GNB4: variants seen among roughly 807,000 people sequenced by gnomAD.
GNB4 encodes G protein subunit beta 4, also known as guanine nucleotide-binding protein subunit beta-4.
In GNB4, 28 loss-of-function variants were observed where a neutral mutation model predicts 45.2. The observed-to-expected ratio is 0.62, with a 90% CI of 0.46 to 0.85. The LOEUF (loss-of-function observed/expected upper bound fraction) is 0.85. GNB4 is among the 40% of genes least tolerant of loss of function. The pLI is 0.00. For missense variants in GNB4, 321 were observed against 425.4 expected, an observed-to-expected ratio of 0.75 and a Z score of 2.16; for synonymous variants, 132 against 143.7, an observed-to-expected ratio of 0.92 and a Z score of 0.58.
chr3:179,459,721 A>C, the GNB4 span, among the ~76,000 whole-genome samples: 133 of 152,130 alleles, frequency 8.7e-4, no homozygotes, highest in East Asian at 0.023. Flanking sequence ...AAAAAAAAAG[A>C]AGCCTACCTT....
the GNB4 span, among the ~76,000 whole-genome samples, chr3:179,479,626 C>T: frequency 1.3e-5 from 2 of 152,142 alleles, no homozygotes; most frequent in South Asian, 2.1e-4. Flanking sequence ...TTTTGCCAAG[C>T]GAATGGAGAA....
Position 179,413,403 on chromosome 3 carries a change from T to C in GNB4, c.699+9A>G. 6.2e-7 allele frequency: 1 copy of C among 1,607,476 alleles called. No individual in the cohort carries two copies. Among genetic ancestry groups the C allele is most frequent in the Non-Finnish European group, 8.5e-7 (1 of 1,173,962 alleles). ...TAATAAATTTTCTCTAGAAATGCTA[T>C]TCACTTACACTGACAGCATTGATAT... On this transcript the variant is annotated intron_variant, in intron 8 of 9. Coordinates refer to ENST00000232564, the MANE Select transcript of GNB4 (RefSeq NM_021629.4).
intron 1 of GNB4, among the ~76,000 whole-genome samples, chr3:179,446,298 G>A (rs530226183): frequency 3.3e-5 from 5 of 152,300 alleles, no homozygotes; most frequent in South Asian, 4.1e-4. Context: ...ACTTGTGTAC[G>A]TTAACCGACA....
the GNB4 span, among the ~76,000 whole-genome samples, chr3:179,480,424 C>G: frequency 6.6e-6 from 1 of 152,176 alleles, no homozygotes; most frequent in Non-Finnish European, 1.5e-5. Context: ...TAGCTCTGAA[C>G]ACTTTTCCAT....
chr3:179,525,463 G>A, the GNB4 span, among the ~76,000 whole-genome samples: 20 of 152,166 alleles, frequency 1.3e-4, no homozygotes, highest in South Asian at 2.1e-4. Flanking sequence ...GTAGAGACAC[G>A]GAGAAGGGGG....
the GNB4 span, among the ~76,000 whole-genome samples, chr3:179,473,443 AT>A: frequency 7.3e-5 from 11 of 150,390 alleles, no homozygotes; most frequent in Non-Finnish European, 1.2e-4. Context: ...TTTTTATTTA[AT>A]TTTTTTTTAG....
At chr3:179,505,755 T>C in the GNB4 span, among the ~76,000 whole-genome samples, 1 of 152,206 alleles carries the variant, frequency 6.6e-6, no homozygotes, top group Admixed American at 6.5e-5. Context: ...AGAGTCATCA[T>C]ATGACTTCAT....
intron 1 of GNB4, among the ~76,000 whole-genome samples, chr3:179,439,598 G>A (rs1370634570): frequency 6.6e-6 from 1 of 152,200 alleles, no homozygotes; most frequent in African/African-American, 2.4e-5. Context: ...CAGGCGTGGG[G>A]ACATAGGACA....
the GNB4 span, among the ~76,000 whole-genome samples, chr3:179,487,772 C>T: frequency 6.6e-6 from 1 of 152,118 alleles, no homozygotes; most frequent in Non-Finnish European, 1.5e-5. Context: ...GCAGCTTGGC[C>T]AGGTGCGTTG....
upstream of GNB4, among the ~76,000 whole-genome samples, chr3:179,455,436 A>T (rs7634416): frequency 0.25 from 37,683 of 152,130 alleles, 5,316 homozygotes; most frequent in Middle Eastern, 0.44. Flanking sequence ...TTACCCTGCC[A>T]GCATTCTGTC....
chr3:179,445,926 A>G (rs542826387), intron 1 of GNB4, among the ~76,000 whole-genome samples: 1 of 152,350 alleles, frequency 6.6e-6, no homozygotes, highest in African/African-American at 2.4e-5. Flanking sequence ...GGAACAATTA[A>G]GCTGTTACTG....
the GNB4 span, among the ~76,000 whole-genome samples, chr3:179,466,355 C>T: frequency 3.5e-4 from 54 of 152,144 alleles, no homozygotes; most frequent in African/African-American, 1.3e-3. Flanking sequence ...AAGCTAGGAG[C>T]TTAATCTGTA....
At chr3:179,463,229 C>A in the GNB4 span, among the ~76,000 whole-genome samples, 1 of 152,146 alleles carries the variant, frequency 6.6e-6, no homozygotes, top group East Asian at 1.9e-4. Flanking sequence ...CTCTCTGAGT[C>A]TGCCCCTCCC....
chr3:179,436,738 A>C (rs933278191), intron 1 of GNB4, among the ~76,000 whole-genome samples: 1 of 152,234 alleles, frequency 6.6e-6, no homozygotes, highest in African/African-American at 2.4e-5. Flanking sequence ...TAAGAGAGGA[A>C]AACAGAAGTT....
the GNB4 span, among the ~76,000 whole-genome samples, chr3:179,516,583 C>T: frequency 2.0e-5 from 3 of 152,126 alleles, no homozygotes; most frequent in African/African-American, 4.8e-5. Flanking sequence ...GAAGTGATTT[C>T]CTTGAGGACA....
At chr3:179,436,376 G>A (rs1715450127) in intron 1 of GNB4, among the ~76,000 whole-genome samples, 1 of 152,138 alleles carries the variant, frequency 6.6e-6, no homozygotes, top group Admixed American at 6.5e-5. Context: ...GGCAATGAGA[G>A]TGAAACTCCA....
rs1479946904 is a variant in GNB4 at position 179,399,828 on chromosome 3, T to C, written c.*1385A>G. 2.0e-5 allele frequency: 3 copies of C among 152,202 alleles called. No individual in the cohort carries two copies. Among genetic ancestry groups the C allele is most frequent in the African/African-American group, 7.2e-5 (3 of 41,450 alleles). The allele number at this position is 152,202 out of a possible 1,614,324, so 9.4% of individuals were successfully genotyped here. A position where few individuals can be genotyped will look rare whatever the true frequency, so the allele number is the denominator to read the frequency against. ...ATCAGAATAATCCAAGACTTTACCA[T>C]CAAGCAAGACTAACAATCTTCTATT... On this transcript the variant is annotated 3_prime_UTR_variant, in exon 10 of 10. Coordinates refer to ENST00000232564, the MANE Select transcript of GNB4 (RefSeq NM_021629.4).
At chr3:179,519,485 C>T in the GNB4 span, among the ~76,000 whole-genome samples, 1,162 of 152,256 alleles carry the variant, frequency 7.6e-3, 6 homozygotes, top group Non-Finnish European at 0.01. Context: ...GCCTGTTTCC[C>T]TTGCCTCCAT....
the GNB4 span, among the ~76,000 whole-genome samples, chr3:179,496,075 G>A: frequency 1.1e-4 from 16 of 152,164 alleles, no homozygotes. Context: ...ATGGTGGTAT[G>A]TAAATCCTTT....
Sources: allele counts gnomAD v4.1 joint callset (sites outside exome capture counted in the v4.1 genomes callset), GRCh38; gene constraint gnomAD v4.1.1; transcripts MANE v1.5; gene names NCBI Gene and HGNC (gene_info 2026-07-23, HGNC 2026-07-21).